CELF2: variants seen among roughly 807,000 people sequenced by gnomAD.
CELF2 encodes CUG triplet repeat RNA-binding protein 2.
Under a neutral mutation model 62.6 loss-of-function variants are expected in CELF2, and 8 were observed. That is an observed-to-expected ratio of 0.13 (90% CI 0.07 to 0.23). The LOEUF is 0.23. Among genes scored for constraint, CELF2 ranks in the 10% least tolerant of loss-of-function variants. CELF2 has a pLI of 1.00. For synonymous variants in CELF2, 258 were observed against 250.0 expected (o/e 1.03, Z -0.30); for missense variants, 333 against 671.0 (o/e 0.50, Z 5.56).
At chr10:11,233,329 G>T (rs1172312966) in intron 3 of CELF2, among the ~76,000 whole-genome samples, 1 of 152,282 alleles carries the variant, frequency 6.6e-6, no homozygotes, top group East Asian at 1.9e-4. Flanking sequence ...CTTTTTCAGA[G>T]ACTGCAAGTA....
At chr10:11,273,941 T>G (rs1212509799) in intron 7 of CELF2, among the ~76,000 whole-genome samples, 1 of 149,774 alleles carries the variant, frequency 6.7e-6, no homozygotes, top group African/African-American at 2.5e-5. Flanking sequence ...CAGGCTGGTC[T>G]CGAACTCCTA....
chr10:11,096,447 C>T (rs2049899748), intron 1 of CELF2: 1 of 152,118 alleles, frequency 6.6e-6, no homozygotes. Context: ...AAAAGATAAT[C>T]GCTAATCACT....
At chr10:10,729,727 C>T in the CELF2 span, among the ~76,000 whole-genome samples, 230 of 151,162 alleles carry the variant, frequency 1.5e-3, 1 homozygote, top group South Asian at 0.019. Context: ...TGCAGTAAGC[C>T]GAGATCATGC....
chr10:10,520,749 T>G, the CELF2 span, among the ~76,000 whole-genome samples: 2 of 152,030 alleles, frequency 1.3e-5, no homozygotes, highest in African/African-American at 4.8e-5. Flanking sequence ...GTAGACCCGC[T>G]AATTAGTAGG....
the CELF2 span, among the ~76,000 whole-genome samples, chr10:10,603,008 T>C: frequency 1.3e-5 from 2 of 152,214 alleles, no homozygotes; most frequent in African/African-American, 2.4e-5. Flanking sequence ...GAAAGTACAT[T>C]ATGTTTAGAA....
intron 1 of CELF2, among the ~76,000 whole-genome samples, chr10:10,875,224 A>G (rs1474616229): frequency 6.6e-6 from 1 of 152,232 alleles, no homozygotes; most frequent in Non-Finnish European, 1.5e-5. Flanking sequence ...CAGAAGTATA[A>G]TTCAATTAAG....
the CELF2 span, among the ~76,000 whole-genome samples, chr10:10,591,066 T>C: frequency 1.3e-5 from 2 of 152,080 alleles, no homozygotes; most frequent in East Asian, 1.9e-4. Flanking sequence ...AAACATATAC[T>C]CCTATTACCA....
At chr10:10,917,332 T>C (rs1028438180) in intron 1 of CELF2, among the ~76,000 whole-genome samples, 1 of 152,090 alleles carries the variant, frequency 6.6e-6, no homozygotes, top group Non-Finnish European at 1.5e-5. Flanking sequence ...TGGATTGTTG[T>C]TTGTTTTGTT....
chr10:10,590,737 A>G, the CELF2 span, among the ~76,000 whole-genome samples: 2 of 152,214 alleles, frequency 1.3e-5, no homozygotes, highest in African/African-American at 2.4e-5. Flanking sequence ...GGAAAATACC[A>G]AGGACTGGCC....
At chr10:10,485,921 C>A in the CELF2 span, among the ~76,000 whole-genome samples, 1 of 152,068 alleles carries the variant, frequency 6.6e-6, no homozygotes, top group Admixed American at 6.6e-5. Context: ...TGAAATCACC[C>A]CTGTATTCAT....
intron 1 of CELF2, among the ~76,000 whole-genome samples, chr10:10,903,640 A>T (rs1297562968): frequency 6.6e-6 from 1 of 152,204 alleles, no homozygotes; most frequent in Admixed American, 6.5e-5. Context: ...CAACCTGACC[A>T]AGTGAAATGA....
intron 1 of CELF2, among the ~76,000 whole-genome samples, chr10:11,058,544 G>A (rs1055415791): frequency 7.0e-6 from 1 of 141,900 alleles, no homozygotes; most frequent in Non-Finnish European, 1.5e-5. Context: ...TCGACTCGCT[G>A]CAACCTCCAC....
At chr10:11,105,656 T>A (rs900325549) in intron 1 of CELF2, among the ~76,000 whole-genome samples, 1 of 152,226 alleles carries the variant, frequency 6.6e-6, no homozygotes, top group Non-Finnish European at 1.5e-5. Context: ...CCCAGCTCAA[T>A]GTAAATGTTC....
chr10:11,199,214 A>G (rs1172857232), intron 2 of CELF2, among the ~76,000 whole-genome samples: 1 of 152,246 alleles, frequency 6.6e-6, no homozygotes, highest in Non-Finnish European at 1.5e-5. Flanking sequence ...GTTAGAAGCC[A>G]TTCAGTTAAG....
At chr10:11,175,697 C>T (rs1397192163) in intron 2 of CELF2, among the ~76,000 whole-genome samples, 2 of 152,122 alleles carry the variant, frequency 1.3e-5, no homozygotes, top group African/African-American at 4.8e-5. Flanking sequence ...GGTTAGGGTA[C>T]CCTTCAAAGC....
intron 1 of CELF2, among the ~76,000 whole-genome samples, chr10:10,808,386 T>C (rs2055463379): frequency 6.6e-6 from 1 of 152,200 alleles, no homozygotes; most frequent in Admixed American, 6.5e-5. Flanking sequence ...GCAAGTAAAT[T>C]CAATGATTTT....
chr10:10,807,552 A>C (rs1447480675), intron 1 of CELF2, among the ~76,000 whole-genome samples: 1 of 152,248 alleles, frequency 6.6e-6, no homozygotes, highest in Non-Finnish European at 1.5e-5. Context: ...AGAATACCCA[A>C]GAACAAATTC....
At chr10:10,872,632 A>C (rs2060821267) in intron 1 of CELF2, among the ~76,000 whole-genome samples, 1 of 151,782 alleles carries the variant, frequency 6.6e-6, no homozygotes, top group African/African-American at 2.4e-5. Flanking sequence ...TAATGTAAAC[A>C]TGTAAAATAA....
intron 2 of CELF2, among the ~76,000 whole-genome samples, chr10:11,179,016 A>G (rs1260687839): frequency 1.3e-5 from 2 of 152,236 alleles, no homozygotes; most frequent in African/African-American, 4.8e-5. Context: ...CCCATTTCAC[A>G]GAAAAGGAGC....
Sources: allele counts gnomAD v4.1 joint callset (sites outside exome capture counted in the v4.1 genomes callset), GRCh38; gene constraint gnomAD v4.1.1; transcripts MANE v1.5; gene names NCBI Gene and HGNC (gene_info 2026-07-23, HGNC 2026-07-21).